Variants in CEP128 observed in about 807,000 individuals in gnomAD.
CEP128 encodes centrosomal protein 128kDa.
CEP128 carries 132 observed loss-of-function variants against 156.7 expected under a neutral mutation model. The observed-to-expected ratio is 0.84, with a 90% CI of 0.73 to 0.97. The LOEUF (loss-of-function observed/expected upper bound fraction) is 0.97. CEP128 is among the 50% of genes least tolerant of loss of function. CEP128 has a pLI of 0.00. For missense variants in CEP128, 1,252 were observed against 1,281.9 expected, an observed-to-expected ratio of 0.98 and a Z score of 0.36; for synonymous variants, 469 against 448.9, an observed-to-expected ratio of 1.04 and a Z score of -0.57.
chr14:80,942,796 C>T (rs1213231814), upstream of CEP128, among the ~76,000 whole-genome samples: 4 of 152,016 alleles, frequency 2.6e-5, no homozygotes, highest in African/African-American at 9.7e-5. Context: ...TTCTTTCTCT[C>T]TCTCCCCCTT....
chr14:80,558,099 C>G (rs927638046), intron 21 of CEP128, among the ~76,000 whole-genome samples: 1 of 152,066 alleles, frequency 6.6e-6, no homozygotes, highest in Non-Finnish European at 1.5e-5. Context: ...TGTAACTGAT[C>G]ACTGTTGTGA....
intron 16 of CEP128, among the ~76,000 whole-genome samples, chr14:80,767,026 C>T (rs1900273808): frequency 6.6e-6 from 1 of 152,074 alleles, no homozygotes; most frequent in Non-Finnish European, 1.5e-5. Context: ...AGGACACTAG[C>T]ATTACAAGGC....
Position 80,622,158 on chromosome 14 carries a change from T to A in CEP128, c.2807-41735A>T, listed in dbSNP as rs969571236. 5.9e-5 allele frequency among the ~76,000 whole-genome samples: 9 copies of A among 152,314 alleles called. No individual in the cohort carries two copies. In the East Asian group the frequency reaches 1.7e-3, roughly 29 times the overall value. On this transcript the variant is annotated intron_variant, in intron 19 of 24. Transcript: ENST00000555265. ...GGCTTTCTGGAGCTGTTTTTAGCAT[T>A]CTTTATGTGGCTAAAAATAGGTATA... is the stretch of plus-strand genomic sequence containing the variant.
chr14:80,478,767 T>C (rs1396645933), intron 14 of CEP128, among the ~76,000 whole-genome samples: 4 of 152,218 alleles, frequency 2.6e-5, no homozygotes, highest in Non-Finnish European at 5.9e-5. Context: ...CTCTGATACA[T>C]AGGTAGATTT....
intron 19 of CEP128, among the ~76,000 whole-genome samples, chr14:80,650,601 T>C (rs555083802): frequency 6.6e-6 from 1 of 152,284 alleles, no homozygotes; most frequent in South Asian, 2.1e-4. Context: ...CATCAATACC[T>C]AGTTTATTGA....
At chr14:80,804,060 G>A (rs1441421813) in intron 13 of CEP128, among the ~76,000 whole-genome samples, 1 of 151,690 alleles carries the variant, frequency 6.6e-6, no homozygotes, top group African/African-American at 2.4e-5. Flanking sequence ...CATGTGTACT[G>A]CAAAATTATG....
At chr14:80,863,404 C>T (rs940105643) in intron 8 of CEP128, among the ~76,000 whole-genome samples, 10 of 152,062 alleles carry the variant, frequency 6.6e-5, no homozygotes, top group Admixed American at 6.6e-4. Flanking sequence ...ATAAAACAAG[C>T]TATAAAAGAT....
intron 20 of CEP128, among the ~76,000 whole-genome samples, chr14:80,562,081 C>T (rs1160801111): frequency 8.4e-6 from 1 of 118,570 alleles, no homozygotes; most frequent in Non-Finnish European, 1.8e-5. Context: ...GTGCCCGCCA[C>T]CACATCCGGC....
chr14:80,944,857 A>AAAAAAAAAAAAAAAAAAAAAAC (rs1886297621), upstream of CEP128, among the ~76,000 whole-genome samples: 1 of 81,478 alleles, frequency 1.2e-5, no homozygotes, highest in African/African-American at 4.2e-5. Context: ...AAAAAAAAAA[A>AAAAAAAAAAAAAAAAAAAAAAC]CAGAAAAAAC....
intron 11 of CEP128, 132 bp downstream of exon 11, chr14:80,838,072 T>C: frequency 3.2e-6 from 2 of 620,528 alleles, no homozygotes; most frequent in Non-Finnish European, 2.8e-6. Flanking sequence ...TTAGGTGTGC[T>C]AATATACATT....
intron 24 of CEP128, among the ~76,000 whole-genome samples, chr14:80,498,035 T>C (rs2140170202): frequency 6.6e-6 from 1 of 152,336 alleles, no homozygotes; most frequent in African/African-American, 2.4e-5. Context: ...GTCTGAGCTA[T>C]AGATGCCTAT....
At chr14:80,742,816 G>A (rs937615390) in intron 19 of CEP128, 4 of 415,188 alleles carry the variant, frequency 9.6e-6, no homozygotes, top group African/African-American at 8.1e-5. Context: ...TACTAAGACA[G>A]AAGCAGTATG....
chr14:80,537,324 A>C (rs1566765203), intron 21 of CEP128, among the ~76,000 whole-genome samples: 1 of 152,196 alleles, frequency 6.6e-6, no homozygotes, highest in African/African-American at 2.4e-5. Context: ...CAAATGAGTG[A>C]TTTGGGTTTT....
In CEP128 at chr14:80,720,118, C is replaced by T. The variant is rs142625577; in HGVS notation, c.2806+22957G>A. 6.7e-3 allele frequency among the ~76,000 whole-genome samples: 1,019 copies of T among 151,410 alleles called. 9 individuals are homozygous for T. The highest frequency in any genetic ancestry group is 0.023 in the African/African-American group (950 of 41,074). On this transcript the variant is annotated intron_variant, in intron 19 of 24. Transcript: ENST00000555265. ...AGGGAGGTGGGGGCTACAGGGTAAACGAGATGGGGGCAAAAAAACTACTGT... is the reference window on the plus strand; with the variant it reads ...AGGGAGGTGGGGGCTACAGGGTAAATGAGATGGGGGCAAAAAAACTACTGT...
chr14:80,914,545 T>C, intron 3 of CEP128, 137 bp from the exon 4 acceptor site: 1 of 619,108 alleles, frequency 1.6e-6, no homozygotes, highest in Non-Finnish European at 2.9e-6. Context: ...AATATCAATG[T>C]ACTTCACACA....
intron 16 of CEP128, among the ~76,000 whole-genome samples, chr14:80,769,682 T>A (rs1900419774): frequency 1.3e-5 from 2 of 152,244 alleles, no homozygotes; most frequent in Non-Finnish European, 2.9e-5. Flanking sequence ...GAAAGAATAT[T>A]TTTTAAACTT....
intron 6 of CEP128, among the ~76,000 whole-genome samples, chr14:80,491,156 A>C (rs1450827543): frequency 6.6e-6 from 1 of 152,226 alleles, no homozygotes; most frequent in Non-Finnish European, 1.5e-5. Flanking sequence ...TTAAGAAATG[A>C]GCAATGACCA....
downstream of CEP128, among the ~76,000 whole-genome samples, chr14:80,485,709 T>C (rs1402142979): frequency 6.6e-6 from 1 of 152,224 alleles, no homozygotes; most frequent in African/African-American, 2.4e-5. Flanking sequence ...TAGCAATGAA[T>C]GAATAAATGG....
intron 16 of CEP128, among the ~76,000 whole-genome samples, chr14:80,765,272 C>T (rs1021477901): frequency 6.6e-6 from 1 of 152,216 alleles, no homozygotes; most frequent in African/African-American, 2.4e-5. Context: ...GTAGCGCTTT[C>T]TCGCAGTTTC....
Sources: gnomAD v4.1 joint callset for allele counts (sites outside exome capture counted in the v4.1 genomes callset) on GRCh38, gnomAD v4.1.1 for gene constraint, MANE v1.5 for transcripts, NCBI Gene and HGNC (gene_info 2026-07-23, HGNC 2026-07-21) for gene names.